EPB41L4A: variants seen among roughly 807,000 people sequenced by gnomAD.
EPB41L4A encodes erythrocyte membrane protein band 4.1 like 4A.
EPB41L4A carries 100 observed loss-of-function variants against 108.6 expected under a neutral mutation model. The observed-to-expected ratio is 0.92, with a 90% confidence interval of 0.78 to 1.09. The LOEUF (loss-of-function observed/expected upper bound fraction) is 1.09. Ranked by LOEUF, EPB41L4A falls within the 50% of genes least tolerant of loss-of-function variation. The pLI, the probability that EPB41L4A is intolerant of heterozygous loss-of-function variation, is 0.00. For synonymous variants in EPB41L4A, 319 were observed against 289.0 expected (o/e 1.10, Z -1.05); for missense variants, 1,030 against 842.7 (o/e 1.22, Z -2.75).
chr5:112,277,243 G>T (rs1752680989), intron 3 of EPB41L4A, among the ~76,000 whole-genome samples: 2 of 152,152 alleles, frequency 1.3e-5, no homozygotes, highest in Non-Finnish European at 2.9e-5. Flanking sequence ...AAAGGGAAGA[G>T]GCCTTCTCCA....
At chr5:112,143,038 A>G (rs1401650871) in exon 14 of EPB41L4A, 1 of 151,944 alleles carries the variant, frequency 6.6e-6, no homozygotes, top group East Asian at 1.9e-4. Context: ...GGCAATATCC[A>G]CTCTTGTGTG....
At chr5:112,158,235 T>C (rs1190749528), downstream of EPB41L4A, among the ~76,000 whole-genome samples, 1 of 152,158 alleles carries the variant, frequency 6.6e-6, no homozygotes, top group Non-Finnish European at 1.5e-5. Flanking sequence ...AAGAACTCAA[T>C]ACAAGAAGGT....
intron 3 of EPB41L4A, 120 bp downstream of exon 3, chr5:112,280,152 C>T (rs1350268935): frequency 6.2e-6 from 5 of 809,800 alleles, no homozygotes; most frequent in Middle Eastern, 2.3e-4. Context: ...TATTCTGGTA[C>T]TCAAGTACTA....
chr5:112,364,036 CATTT>C (rs1012928163), intron 1 of EPB41L4A, among the ~76,000 whole-genome samples: 8 of 152,202 alleles, frequency 5.3e-5, no homozygotes, highest in African/African-American at 1.7e-4. Context: ...TTCATTCATT[CATTT>C]ATTTTTAGAC....
intron 17 of EPB41L4A, among the ~76,000 whole-genome samples, chr5:112,189,637 T>C (rs534742378): frequency 6.6e-6 from 1 of 152,320 alleles, no homozygotes; most frequent in South Asian, 2.1e-4. Context: ...TCTGTTTTAA[T>C]ACTTGGTAGG....
intron 12 of EPB41L4A, among the ~76,000 whole-genome samples, chr5:112,230,976 C>G: frequency 6.6e-6 from 1 of 152,136 alleles, no homozygotes. Flanking sequence ...AAGGTGGTCT[C>G]AGCAAAGTCT....
intron 6 of EPB41L4A, among the ~76,000 whole-genome samples, chr5:112,263,084 T>C (rs555640243): frequency 6.6e-6 from 1 of 152,316 alleles, no homozygotes; most frequent in South Asian, 2.1e-4. Flanking sequence ...CGTACAGAGA[T>C]TGTAAAAAAT....
At chr5:112,178,453 T>G (rs1169794839) in intron 18 of EPB41L4A, among the ~76,000 whole-genome samples, 1 of 152,152 alleles carries the variant, frequency 6.6e-6, no homozygotes, top group Non-Finnish European at 1.5e-5. Flanking sequence ...GCTAACTGCA[T>G]CTATTCGACA....
intron 18 of EPB41L4A, among the ~76,000 whole-genome samples, chr5:112,180,283 G>C (rs1761080352): frequency 6.6e-6 from 1 of 152,042 alleles, no homozygotes; most frequent in South Asian, 2.1e-4. Context: ...TTGCATAAAG[G>C]GGGAGAGGGA....
At chr5:112,147,059 T>C (rs1759285303) in intron 12 of EPB41L4A, among the ~76,000 whole-genome samples, 1 of 152,238 alleles carries the variant, frequency 6.6e-6, no homozygotes, top group Non-Finnish European at 1.5e-5. Flanking sequence ...TCCTGTAATG[T>C]GTAAAGTGTA....
intron 1 of EPB41L4A, among the ~76,000 whole-genome samples, chr5:112,335,021 T>C (rs773472178): frequency 5.3e-5 from 8 of 152,098 alleles, no homozygotes; most frequent in Non-Finnish European, 1.0e-4. Context: ...CCGAAAGTCA[T>C]GTTCATTTTC....
intron 18 of EPB41L4A, among the ~76,000 whole-genome samples, chr5:112,171,827 C>G (rs776450986): frequency 6.6e-6 from 1 of 152,116 alleles, no homozygotes; most frequent in African/African-American, 2.4e-5. Flanking sequence ...TTTAAGAGAA[C>G]AGAGATCTAG....
At chr5:112,315,876 A>T (rs1755397835) in intron 1 of EPB41L4A, among the ~76,000 whole-genome samples, 1 of 152,194 alleles carries the variant, frequency 6.6e-6, no homozygotes, top group Non-Finnish European at 1.5e-5. Context: ...TAAAGGGAGC[A>T]CCTGATTTTT....
At chr5:112,161,419 C>T (rs980987563), downstream of EPB41L4A, 6 of 457,524 alleles carry the variant, frequency 1.3e-5, no homozygotes, top group Non-Finnish European at 2.6e-5. Flanking sequence ...CGTTTTTAGG[C>T]TGTAATCGGC....
chr5:112,323,625 C>A (rs138985923), intron 1 of EPB41L4A, among the ~76,000 whole-genome samples: 1 of 152,170 alleles, frequency 6.6e-6, no homozygotes, highest in East Asian at 1.9e-4. Context: ...TATGTCCCTG[C>A]GTTGAACAAC....
At chr5:112,396,916 G>A (rs1014358217) in intron 1 of EPB41L4A, among the ~76,000 whole-genome samples, 5 of 152,174 alleles carry the variant, frequency 3.3e-5, no homozygotes, top group African/African-American at 7.2e-5. Context: ...CAAGTAATAT[G>A]ATTTTTCTTT....
chr5:112,399,568 C>G (rs1169941088), intron 1 of EPB41L4A, among the ~76,000 whole-genome samples: 1 of 152,184 alleles, frequency 6.6e-6, no homozygotes, highest in African/African-American at 2.4e-5. Flanking sequence ...CACTTCCATG[C>G]TGAATTCTAG....
chr5:112,231,305 A>G (rs1214124931), intron 12 of EPB41L4A, among the ~76,000 whole-genome samples: 1 of 152,182 alleles, frequency 6.6e-6, no homozygotes. Context: ...TGATTGTACC[A>G]CTTGTGTGAA....
chr5:112,335,259 C>A (rs2150678025), intron 1 of EPB41L4A, among the ~76,000 whole-genome samples: 1 of 152,272 alleles, frequency 6.6e-6, no homozygotes, highest in East Asian at 1.9e-4. Flanking sequence ...ACCCAAGCAC[C>A]AACTCACAGA....
Sources: allele counts gnomAD v4.1 joint callset (sites outside exome capture counted in the v4.1 genomes callset), GRCh38; gene constraint gnomAD v4.1.1; transcripts MANE v1.5; gene names NCBI Gene and HGNC (gene_info 2026-07-23, HGNC 2026-07-21).